GPR137C: variants seen among roughly 807,000 people sequenced by gnomAD.
The protein encoded by GPR137C is integral membrane protein GPR137C.
A neutral mutation model predicts 43.4 loss-of-function variants in GPR137C; 27 were observed. That is an observed-to-expected ratio of 0.62 (90% CI 0.46 to 0.86). The LOEUF (loss-of-function observed/expected upper bound fraction) is 0.86, where lower values mean the gene tolerates loss of function less well. Ranked by LOEUF, GPR137C falls within the 40% of genes least tolerant of loss-of-function variation. The probability of loss-of-function intolerance (pLI) is 0.00; values close to 1 mark genes in which losing one functional copy is unlikely to be tolerated. For synonymous variants in GPR137C, 285 were observed against 226.9 expected (o/e 1.26, Z -2.30); for missense variants, 522 against 534.6 (o/e 0.98, Z 0.23).
chr14:52,632,740 A>G (rs2039309331), intron 4 of GPR137C, among the ~76,000 whole-genome samples: 1 of 152,082 alleles, frequency 6.6e-6, no homozygotes, highest in African/African-American at 2.4e-5. Context: ...TGTTTAAATA[A>G]TGGCTTTCAT....
At chr14:52,624,795 A>G (rs1196220951) in intron 3 of GPR137C, among the ~76,000 whole-genome samples, 1 of 152,068 alleles carries the variant, frequency 6.6e-6, no homozygotes, top group Non-Finnish European at 1.5e-5. Flanking sequence ...AAATGGAGAA[A>G]TTAAAGCCAA....
chr14:52,553,205 C>G lies in GPR137C; in HGVS notation c.58C>G (p.Pro20Ala), dbSNP rs1023391370. 46 of 1,221,332 alleles carry G rather than the reference C, an allele frequency of 3.8e-5. No individual in the cohort carries two copies. The African/African-American group carries it at 6.9e-4, about 18-fold the overall frequency. 75.7% of individuals were successfully genotyped at this position (1,221,332 alleles called of 1,614,324 possible). A position where few individuals can be genotyped will look rare whatever the true frequency, so the allele number is the denominator to read the frequency against. Reference sequence around the variant, plus strand: ...TGCCGCCCCCGCAGCCGGCCGCGAGCCCTCCACGCCCGGCGGGGGCAGCGG... The same window carrying G: ...TGCCGCCCCCGCAGCCGGCCGCGAGGCCTCCACGCCCGGCGGGGGCAGCGG... ...AAAAPAAGRE[P>A]STPGGGSGGG... Residue 20 changes from proline to alanine, a missense_variant, in exon 1 of 7, where the codon CCC becomes GCC. Physicochemically the swap from Pro to Ala is conservative, Grantham distance 27. Transcript: ENST00000321662.
chr14:52,634,865 G>A, intron 6 of GPR137C, 73 bp from the exon 7 acceptor site: 1 of 1,300,516 alleles, frequency 7.7e-7, no homozygotes, highest in Non-Finnish European at 1.1e-6. Context: ...CATTGAAAAT[G>A]CTAAAAATTC....
Position 52,571,899 on chromosome 14 carries a change from AAAT to A in GPR137C, c.444+18314_444+18316del, listed in dbSNP as rs1193631731. On this transcript the variant is annotated intron_variant, in intron 1 of 6. Transcript: ENST00000321662. Reference sequence around the variant, plus strand: ...AGAGGAATCAAATAGACACAGTAAGAAATAATAAAGGGGATATCATCACCGATC... The same window carrying A: ...AGAGGAATCAAATAGACACAGTAAGAAATAAAGGGGATATCATCACCGATC... Among the ~76,000 whole-genome samples, 4 of 152,194 alleles carry A rather than the reference AAAT, an allele frequency of 2.6e-5. No homozygotes were observed. In the South Asian group the frequency reaches 8.3e-4, roughly 31 times the overall value.
intron 1 of GPR137C, among the ~76,000 whole-genome samples, chr14:52,559,219 A>G (rs1486482639): frequency 6.6e-6 from 1 of 152,094 alleles, no homozygotes; most frequent in Non-Finnish European, 1.5e-5. Flanking sequence ...TACTAAAAAT[A>G]TAAAAAATTA....
At chr14:52,559,661 T>C (rs1383747837) in intron 1 of GPR137C, among the ~76,000 whole-genome samples, 1 of 152,186 alleles carries the variant, frequency 6.6e-6, no homozygotes, top group African/African-American at 2.4e-5. Flanking sequence ...AACATTGTGC[T>C]GGAAGTCTTA....
intron 6 of GPR137C, among the ~76,000 whole-genome samples, chr14:52,634,273 A>G (rs1003272667): frequency 5.3e-5 from 8 of 152,118 alleles, no homozygotes; most frequent in African/African-American, 1.2e-4. Flanking sequence ...GTCTGTTTCC[A>G]TATCTTTAGT....
intron 1 of GPR137C, among the ~76,000 whole-genome samples, chr14:52,567,880 G>C (rs374640049): frequency 1.3e-5 from 2 of 151,934 alleles, no homozygotes; most frequent in Non-Finnish European, 2.9e-5. Context: ...GGCTGGTCTC[G>C]AACTTCTGAC....
chr14:52,606,496 T>A (rs1359123380), intron 3 of GPR137C, among the ~76,000 whole-genome samples: 1 of 152,158 alleles, frequency 6.6e-6, no homozygotes, highest in African/African-American at 2.4e-5. Flanking sequence ...GAGTGGGCAA[T>A]GGTGTGATCT....
At chr14:52,599,295 A>G (rs1394768639) in intron 2 of GPR137C, among the ~76,000 whole-genome samples, 1 of 152,200 alleles carries the variant, frequency 6.6e-6, no homozygotes, top group Non-Finnish European at 1.5e-5. Context: ...AACATGAGGT[A>G]TTAATGGGTG....
chr14:52,633,994 GA>G (rs768902339), intron 6 of GPR137C, 48 bp downstream of exon 6: 3 of 1,129,128 alleles, frequency 2.7e-6, no homozygotes, highest in African/African-American at 1.6e-5. Flanking sequence ...GAAATTGATT[GA>G]AAAAAACAAA....
chr14:52,635,195 C>A lies in GPR137C; in HGVS notation c.*80C>A. The A allele has an allele frequency of 8.5e-7, 1 of 1,174,528 alleles. No homozygotes were observed. The highest frequency in any genetic ancestry group is 1.2e-6 in the Non-Finnish European group (1 of 858,890). The allele number at this position is 1,174,528 out of a possible 1,614,324, so 72.8% of individuals were successfully genotyped here. ...TGTGTTTAAATTCCATCTACATAAA[C>A]ATTCCATTATCTGTTGCAACTGAAA... On this transcript the variant is annotated 3_prime_UTR_variant, in exon 7 of 7. Coordinates refer to ENST00000321662, the MANE Select transcript of GPR137C (RefSeq NM_001099652.2).
intron 1 of GPR137C, among the ~76,000 whole-genome samples, chr14:52,576,263 G>T (rs1290602892): frequency 1.3e-5 from 2 of 152,128 alleles, no homozygotes; most frequent in Non-Finnish European, 2.9e-5. Context: ...TAGGATAATG[G>T]CCTCAAATTC....
intron 1 of GPR137C, among the ~76,000 whole-genome samples, chr14:52,559,750 AC>A (rs1566600575): frequency 6.6e-6 from 1 of 152,218 alleles, no homozygotes; most frequent in African/African-American, 2.4e-5. Flanking sequence ...TTTGTAGGTG[AC>A]ACAATTTCTT....
chr14:52,556,577 C>A (rs2038198418), intron 1 of GPR137C, among the ~76,000 whole-genome samples: 2 of 152,016 alleles, frequency 1.3e-5, no homozygotes, highest in African/African-American at 2.4e-5. Context: ...TTTTGAACTT[C>A]TGGCAGGATC....
At chr14:52,566,428 T>G (rs2038371261) in intron 1 of GPR137C, among the ~76,000 whole-genome samples, 1 of 152,218 alleles carries the variant, frequency 6.6e-6, no homozygotes, top group Non-Finnish European at 1.5e-5. Context: ...TAGCCCTATT[T>G]TAGGTTGTTT....
intron 1 of GPR137C, among the ~76,000 whole-genome samples, chr14:52,557,253 T>C (rs2038208894): frequency 6.6e-6 from 1 of 152,208 alleles, no homozygotes; most frequent in African/African-American, 2.4e-5. Flanking sequence ...GGTCAAAATT[T>C]AGAAAATAGT....
chr14:52,587,216 A>C (rs2038724935), intron 1 of GPR137C, among the ~76,000 whole-genome samples: 1 of 152,224 alleles, frequency 6.6e-6, no homozygotes, highest in Non-Finnish European at 1.5e-5. Flanking sequence ...ATATCTGAGT[A>C]AGTTATGGTC....
intron 3 of GPR137C, among the ~76,000 whole-genome samples, chr14:52,615,421 G>A (rs1425609638): frequency 6.8e-6 from 1 of 147,288 alleles, no homozygotes; most frequent in East Asian, 2.0e-4. Flanking sequence ...TGCTCAGGAT[G>A]TCTTTGGCTA....
Sources: gnomAD v4.1 joint callset for allele counts (sites outside exome capture counted in the v4.1 genomes callset) on GRCh38, gnomAD v4.1.1 for gene constraint, MANE v1.5 for transcripts, NCBI Gene and HGNC (gene_info 2026-07-23, HGNC 2026-07-21) for gene names.